CYB5D2: variants seen among roughly 807,000 people sequenced by gnomAD.
CYB5D2 encodes the protein neuferricin.
In CYB5D2, 23 loss-of-function variants were observed where a neutral mutation model predicts 22.8. The observed-to-expected ratio is 1.01, with a 90% CI of 0.73 to 1.43. The LOEUF is 1.43. Ranked by LOEUF, CYB5D2 falls within the 40% of genes most tolerant of loss-of-function variation. The pLI is 0.00. For missense variants in CYB5D2, 373 were observed against 357.2 expected (o/e 1.04, Z -0.36); for synonymous variants, 170 against 152.2 (o/e 1.12, Z -0.86).
chr17:4,144,831 G>C (rs1168417958), intron 1 of CYB5D2, among the ~76,000 whole-genome samples: 1 of 152,018 alleles, frequency 6.6e-6, no homozygotes. Flanking sequence ...GTGTCGCCCA[G>C]GCTGGAGTGC....
chr17:4,143,775 G>A lies in CYB5D2; in HGVS notation c.20G>A (p.Arg7His). The A allele has an allele frequency of 6.2e-7, 1 of 1,613,816 alleles. No homozygotes were observed. The highest frequency in any genetic ancestry group is 8.5e-7 in the Non-Finnish European group (1 of 1,179,914). MLRCGG[R>H]GLLLGLAVAA... is the part of the protein sequence containing the mutation. ...ATATAGATGTTGAGGTGCGGAGGCC[G>A]TGGGCTTTTGTTGGGCCTGGCTGTA... The change falls in exon 1 of 4, where the codon CGT (arginine) becomes CAT (histidine). Residue 7 changes from arginine (R) to histidine (H), a missense_variant. Physicochemically the swap from Arg to His is conservative, Grantham distance 29. Coordinates refer to ENST00000301391, the MANE Select transcript of CYB5D2 (RefSeq NM_144611.4).
chr17:4,152,179 C>T (rs1054785332), intron 2 of CYB5D2, among the ~76,000 whole-genome samples: 2 of 151,998 alleles, frequency 1.3e-5, no homozygotes, highest in Admixed American at 6.6e-5. Context: ...GGGCATGTGG[C>T]GGGAAATGCC....
chr17:4,144,443 A>G (rs2058956684), intron 1 of CYB5D2, among the ~76,000 whole-genome samples: 1 of 151,570 alleles, frequency 6.6e-6, no homozygotes, highest in South Asian at 2.1e-4. Flanking sequence ...CCCCACCCCT[A>G]AGCATAGTGT....
rs1286471681 is a variant in CYB5D2 at position 4,157,423 on chromosome 17, A to T, written c.*341A>T. On this transcript the variant is annotated 3_prime_UTR_variant, in exon 4 of 4. Coordinates refer to ENST00000301391, the MANE Select transcript of CYB5D2 (RefSeq NM_144611.4). This position sits in a 1 kb window ranked among gnomAD's most constrained non-coding sequence, Gnocchi z 4.4. The stretch of plus-strand genomic sequence containing the variant: ...ACCAAAAGCCTGCTGAGTTGATTAC[A>T]GCTGGGCCAATACAGTACGAGGCAA... The T allele has an allele frequency of 2.5e-6, 1 of 394,714 alleles. No individual in the cohort carries two copies. The allele number at this position is 394,714 out of a possible 1,614,324, so 24.5% of individuals were successfully genotyped here. A position where few individuals can be genotyped will look rare whatever the true frequency, so the allele number is the denominator to read the frequency against.
intron 1 of CYB5D2, 82 bp from the exon 2 acceptor site, chr17:4,149,808 AG>A: frequency 6.5e-7 from 1 of 1,534,160 alleles, no homozygotes; most frequent in South Asian, 1.2e-5. Context: ...CAAAAAAAAA[AG>A]AAAAAGAAAG....
At chr17:4,149,418 T>C (rs545002793) in intron 1 of CYB5D2, among the ~76,000 whole-genome samples, 1 of 152,346 alleles carries the variant, frequency 6.6e-6, no homozygotes, top group South Asian at 2.1e-4. Context: ...GAGATGTGTG[T>C]CCAAGGTCTA....
At chr17:4,155,050 C>T (rs1426314453) in intron 3 of CYB5D2, among the ~76,000 whole-genome samples, 190 bp downstream of exon 3, 2 of 152,168 alleles carry the variant, frequency 1.3e-5, no homozygotes, top group African/African-American at 4.8e-5. Flanking sequence ...TACGGATGGT[C>T]AGACCTCACT....
At position 4,150,129 on chromosome 17, in the gene CYB5D2, A is replaced by C. The variant is rs761168731; in HGVS notation, c.391+98A>C. ...ATTGGGTTCAAGCTTAAAATCTGAA[A>C]AACAGCCATGGATTTGTTTTACTTT... is the stretch of plus-strand genomic sequence containing the variant. On this transcript the variant is annotated intron_variant, in intron 2 of 3. Coordinates refer to ENST00000301391, the MANE Select transcript of CYB5D2 (RefSeq NM_144611.4). 107 of 1,449,262 alleles carry C rather than the reference A, an allele frequency of 7.4e-5. No homozygotes were observed. In the Middle Eastern group the frequency reaches 9.7e-4, roughly 13 times the overall value. The allele number at this position is 1,449,262 out of a possible 1,614,324, so 89.8% of individuals were successfully genotyped here. A position where few individuals can be genotyped will look rare whatever the true frequency, so the allele number is the denominator to read the frequency against.
intron 1 of CYB5D2, among the ~76,000 whole-genome samples, chr17:4,148,403 G>C (rs2059016150): frequency 6.6e-6 from 1 of 151,868 alleles, no homozygotes; most frequent in South Asian, 2.1e-4. Flanking sequence ...TGTAGTCCCA[G>C]CTACTCAGGA....
chr17:4,151,705 G>GA, intron 2 of CYB5D2, among the ~76,000 whole-genome samples: 1 of 151,076 alleles, frequency 6.6e-6, no homozygotes, highest in South Asian at 2.1e-4. Context: ...AGAAAAAAAA[G>GA]AAAAAGAATA....
chr17:4,150,604 G>A (rs960227250), intron 2 of CYB5D2, among the ~76,000 whole-genome samples: 5 of 152,288 alleles, frequency 3.3e-5, no homozygotes, highest in Admixed American at 1.3e-4. Flanking sequence ...TAAACACTAG[G>A]CCCGGCGCAG....
chr17:4,145,066 G>A (rs2058972177), intron 1 of CYB5D2, among the ~76,000 whole-genome samples: 1 of 152,160 alleles, frequency 6.6e-6, no homozygotes, highest in Non-Finnish European at 1.5e-5. Flanking sequence ...GATTACAGGC[G>A]TGAGCCACCA....
chr17:4,153,959 C>T (rs1343831598), intron 2 of CYB5D2, among the ~76,000 whole-genome samples: 2 of 152,230 alleles, frequency 1.3e-5, no homozygotes, highest in African/African-American at 4.8e-5. Context: ...TTCGGTCGCA[C>T]CTCCCTCAAG....
In CYB5D2 at chr17:4,143,410, C is replaced by T. The variant is rs1330885170; in HGVS notation, c.-346C>T. On this transcript the variant is annotated 5_prime_UTR_variant, in exon 1 of 4. Coordinates refer to ENST00000301391, the MANE Select transcript of CYB5D2 (RefSeq NM_144611.4). ...ACGTGGGGGCGCGTGCCTGTAATCC[C>T]AGCTACTTGGGAGGCTGAGGCAGGA... 1 of 196,870 alleles carries T rather than the reference C, an allele frequency of 5.1e-6. No individual in the cohort carries two copies. The highest frequency in any genetic ancestry group is 1.0e-5 in the Non-Finnish European group (1 of 95,730). 12.2% of individuals were successfully genotyped at this position (196,870 alleles called of 1,614,324 possible).
At chr17:4,145,667 A>C (rs1389061305) in intron 1 of CYB5D2, among the ~76,000 whole-genome samples, 1 of 152,180 alleles carries the variant, frequency 6.6e-6, no homozygotes, top group Non-Finnish European at 1.5e-5. Context: ...AGATGTCTGC[A>C]ACATGCTCCC....
chr17:4,155,840 T>A (rs1322378360), intron 3 of CYB5D2, among the ~76,000 whole-genome samples: 1 of 152,244 alleles, frequency 6.6e-6, no homozygotes, highest in East Asian at 1.9e-4. Context: ...CTTTCATGAC[T>A]GAGTAGTTCA....
At chr17:4,153,310 G>C (rs2059077817) in intron 2 of CYB5D2, among the ~76,000 whole-genome samples, 1 of 151,426 alleles carries the variant, frequency 6.6e-6, no homozygotes, top group African/African-American at 2.5e-5. Context: ...AGAGTGTGCT[G>C]GGTCAGGGAA....
In CYB5D2 at chr17:4,154,566, C is replaced by T. The variant is rs577378234; in HGVS notation, c.392-108C>T. 1.2e-4 allele frequency: 151 copies of T among 1,292,958 alleles called. 2 individuals carry two copies. In the East Asian group the frequency reaches 2.6e-3, roughly 22 times the overall value. The allele number at this position is 1,292,958 out of a possible 1,614,324, so 80.1% of individuals were successfully genotyped here. On this transcript the variant is annotated intron_variant, in intron 2 of 3. Coordinates refer to ENST00000301391, the MANE Select transcript of CYB5D2 (RefSeq NM_144611.4). ...CTGCAGTAGAAGTTCTTATTAAACG[C>T]GCACCAGCAGGACTGAAGTCAGAAA... is the stretch of plus-strand genomic sequence containing the variant.
At chr17:4,144,151 G>A in intron 1 of CYB5D2, 146 bp downstream of exon 1, 1 of 1,157,280 alleles carries the variant, frequency 8.6e-7, no homozygotes, top group Non-Finnish European at 1.2e-6. Context: ...GGGACGAGCT[G>A]CATGCACTAT....
Sources: gnomAD v4.1 joint callset for allele counts (sites outside exome capture counted in the v4.1 genomes callset) on GRCh38, gnomAD v4.1.1 for gene constraint, Gnocchi (gnomAD v3.1) non-coding constraint, MANE v1.5 for transcripts, NCBI Gene and HGNC (gene_info 2026-07-23, HGNC 2026-07-21) for gene names.